The following DPP10 variants were observed in gnomAD, a reference collection of about 807,000 sequenced individuals.
DPP10 encodes the protein dipeptidyl peptidase like 10.
Under a neutral mutation model 120.9 loss-of-function variants are expected in DPP10, and 33 were observed. The ratio of observed to expected loss-of-function variants is 0.27; its 90% CI spans 0.21 to 0.37. DPP10 has a LOEUF of 0.37. Ranked by LOEUF, DPP10 falls within the 10% of genes least tolerant of loss-of-function variation. The pLI, the probability that DPP10 is intolerant of heterozygous loss-of-function variation, is 1.00. For missense variants in DPP10, 816 were observed against 942.8 expected (o/e 0.87, Z 1.76); for synonymous variants, 337 against 326.1 (o/e 1.03, Z -0.36).
chr2:115,150,470 GA>G (rs957727828), intron 1 of DPP10, among the ~76,000 whole-genome samples: 9 of 151,762 alleles, frequency 5.9e-5, no homozygotes, highest in South Asian at 2.1e-4. Context: ...ACACACAACA[GA>G]AAAAAAAGTA....
At chr2:115,692,726 A>G (rs1353897018) in intron 7 of DPP10, among the ~76,000 whole-genome samples, 1 of 152,098 alleles carries the variant, frequency 6.6e-6, no homozygotes, top group South Asian at 2.1e-4. Flanking sequence ...TTTCTCATCT[A>G]TAAATAGAAA....
At chr2:114,767,121 G>T (rs79652768) in intron 1 of DPP10, among the ~76,000 whole-genome samples, 63 of 81,116 alleles carry the variant, frequency 7.8e-4, no homozygotes, top group Admixed American at 1.8e-3. Context: ...AAAAAAAAAA[G>T]CTTAAAGCTA....
chr2:115,592,671 G>A (rs551781755), intron 5 of DPP10, among the ~76,000 whole-genome samples: 131 of 152,212 alleles, frequency 8.6e-4, no homozygotes, highest in African/African-American at 2.9e-3. Flanking sequence ...CCAGAGAATC[G>A]CTTGAACCCA....
At chr2:115,436,445 A>T (rs2071502546) in intron 3 of DPP10, among the ~76,000 whole-genome samples, 1 of 151,756 alleles carries the variant, frequency 6.6e-6, no homozygotes, top group African/African-American at 2.4e-5. Context: ...GAGAAGTGTT[A>T]TACTGAAATA....
intron 15 of DPP10, among the ~76,000 whole-genome samples, chr2:115,780,437 C>T (rs762630822): frequency 6.6e-6 from 1 of 151,754 alleles, no homozygotes; most frequent in Non-Finnish European, 1.5e-5. Context: ...AAATCATGAG[C>T]TGGATTTTTT....
At chr2:115,263,674 A>G (rs922239088) in intron 1 of DPP10, among the ~76,000 whole-genome samples, 6 of 152,192 alleles carry the variant, frequency 3.9e-5, no homozygotes, top group Non-Finnish European at 7.3e-5. Context: ...TATCCTCCAT[A>G]AACATTCTAC....
intron 1 of DPP10, among the ~76,000 whole-genome samples, chr2:115,227,608 A>G (rs892039083): frequency 1.3e-5 from 2 of 152,028 alleles, no homozygotes. Flanking sequence ...AGGCGCCAAT[A>G]TGTTTTTTGT....
At chr2:115,788,537 G>A (rs748755760) in intron 17 of DPP10, among the ~76,000 whole-genome samples, 1 of 152,052 alleles carries the variant, frequency 6.6e-6, no homozygotes, top group Non-Finnish European at 1.5e-5. Context: ...AAAATGTAAT[G>A]CCATTAATAA....
intron 1 of DPP10, among the ~76,000 whole-genome samples, chr2:114,861,278 G>T (rs1443772758): frequency 6.6e-6 from 1 of 152,150 alleles, no homozygotes; most frequent in Non-Finnish European, 1.5e-5. Flanking sequence ...GTCTGCAACA[G>T]CAGAGGCTGC....
rs148576520 is a variant in DPP10, at chr2:114,980,817, T to A, written c.61-328422T>A. Among the ~76,000 whole-genome samples the A allele has an allele frequency of 3.8e-3, 571 of 152,196 alleles. 6 individuals are homozygous for A. Among genetic ancestry groups the A allele is most frequent in the African/African-American group, 0.013 (548 of 41,532 alleles). ...CCACCTTTCCTTTTTAACTATCAGTTTCATATGCCTGATTTTTTTTTACAA... is the reference window on the plus strand; with the variant it reads ...CCACCTTTCCTTTTTAACTATCAGTATCATATGCCTGATTTTTTTTTACAA... On this transcript the variant is annotated intron_variant, in intron 1 of 25. Transcript: ENST00000410059.
chr2:115,367,105 T>C (rs1369531665), intron 3 of DPP10, among the ~76,000 whole-genome samples: 1 of 152,032 alleles, frequency 6.6e-6, no homozygotes, highest in African/African-American at 2.4e-5. Context: ...GTCACATACT[T>C]TAAGTAGTAC....
chr2:115,002,449 A>G (rs1259286766), intron 1 of DPP10, among the ~76,000 whole-genome samples: 1 of 152,234 alleles, frequency 6.6e-6, no homozygotes, highest in Non-Finnish European at 1.5e-5. Flanking sequence ...ACTATTCTGG[A>G]CATAGGACCT....
At chr2:115,101,724 T>C (rs1241042275) in intron 1 of DPP10, among the ~76,000 whole-genome samples, 2 of 152,340 alleles carry the variant, frequency 1.3e-5, no homozygotes, top group Non-Finnish European at 2.9e-5. Flanking sequence ...ATGCCAAAGA[T>C]AACTGGACTC....
At chr2:115,556,560 A>G (rs1404046878) in intron 5 of DPP10, among the ~76,000 whole-genome samples, 1 of 152,026 alleles carries the variant, frequency 6.6e-6, no homozygotes, top group East Asian at 1.9e-4. Flanking sequence ...CAGAATCCTA[A>G]TTGTGTGCCA....
At chr2:114,494,508 A>C (rs1424836141) in intron 1 of DPP10, among the ~76,000 whole-genome samples, 1 of 152,186 alleles carries the variant, frequency 6.6e-6, no homozygotes, top group Non-Finnish European at 1.5e-5. Flanking sequence ...TTGTGCATGG[A>C]AGATAATCGT....
intron 1 of DPP10, among the ~76,000 whole-genome samples, chr2:115,022,161 C>T (rs1407135914): frequency 6.6e-6 from 1 of 151,926 alleles, no homozygotes; most frequent in African/African-American, 2.4e-5. Context: ...CAGTCCTAGC[C>T]AGAGCAATCA....
intron 5 of DPP10, among the ~76,000 whole-genome samples, chr2:115,626,311 A>T (rs2085354636): frequency 6.6e-6 from 1 of 152,082 alleles, no homozygotes. Context: ...ATTTACTACC[A>T]TACTGAGAAA....
At chr2:114,815,004 A>G (rs1217899560) in intron 1 of DPP10, among the ~76,000 whole-genome samples, 1 of 152,168 alleles carries the variant, frequency 6.6e-6, no homozygotes, top group East Asian at 1.9e-4. Context: ...GAGGAAAGCA[A>G]TGGCAAGAGA....
chr2:114,544,636 G>A (rs140149528), intron 1 of DPP10, among the ~76,000 whole-genome samples: 27 of 151,956 alleles, frequency 1.8e-4, no homozygotes, highest in African/African-American at 6.5e-4. Context: ...AATTTGTTTA[G>A]CAAGGTCTAT....
Sources: allele counts gnomAD v4.1 joint callset (sites outside exome capture counted in the v4.1 genomes callset), GRCh38; gene constraint gnomAD v4.1.1; transcripts MANE v1.5; gene names NCBI Gene and HGNC (gene_info 2026-07-23, HGNC 2026-07-21).